Variants in MACROD2 observed in about 807,000 individuals in gnomAD.
MACROD2 encodes mono-ADP ribosylhydrolase 2.
Under a neutral mutation model 70.4 loss-of-function variants are expected in MACROD2, and 36 were observed. That is an observed-to-expected ratio of 0.51 (90% CI 0.39 to 0.68). MACROD2 has a LOEUF of 0.68. MACROD2 is among the 30% of genes least tolerant of loss of function. MACROD2 has a pLI of 0.00. For synonymous variants in MACROD2, 172 were observed against 178.8 expected (o/e 0.96, Z 0.30); for missense variants, 496 against 538.4 (o/e 0.92, Z 0.78).
chr20:15,249,940 A>G (rs369537753), intron 6 of MACROD2, among the ~76,000 whole-genome samples: 18 of 152,228 alleles, frequency 1.2e-4, no homozygotes, highest in Non-Finnish European at 1.8e-4. Context: ...ATGACTTTTA[A>G]AAATAGGTAC....
chr20:14,422,442 C>T lies in MACROD2; in HGVS notation c.272-71037C>T, dbSNP rs1412070016. Among the ~76,000 whole-genome samples the T allele has an allele frequency of 3.3e-5, 5 of 152,148 alleles. No individual in the cohort carries two copies. The South Asian group carries it at 8.3e-4, about 25-fold the overall frequency. On this transcript the variant is annotated intron_variant, in intron 3 of 17. Transcript: ENST00000684519. ...ACTGTTAAGGAAAGATTTACTTCTGCCATTTGTTATTTGTTTTCTTATAGC... is the reference window on the plus strand; with the variant it reads ...ACTGTTAAGGAAAGATTTACTTCTGTCATTTGTTATTTGTTTTCTTATAGC...
At chr20:15,679,656 C>A (rs73242449) in intron 8 of MACROD2, among the ~76,000 whole-genome samples, 1 of 152,178 alleles carries the variant, frequency 6.6e-6, no homozygotes, top group Admixed American at 6.5e-5. Flanking sequence ...CCTGCTGCAA[C>A]AGACCATGTG....
chr20:15,742,514 A>C (rs1180718604), intron 8 of MACROD2, among the ~76,000 whole-genome samples: 1 of 152,224 alleles, frequency 6.6e-6, no homozygotes. Flanking sequence ...ACAGCCCATA[A>C]CATAGGGAAT....
At chr20:15,306,514 G>T (rs6110568) in intron 6 of MACROD2, among the ~76,000 whole-genome samples, 1 of 152,148 alleles carries the variant, frequency 6.6e-6, no homozygotes, top group Non-Finnish European at 1.5e-5. Context: ...AGGTGTTTAA[G>T]GGGGGAGAGT....
chr20:15,565,529 G>C (rs1486291516), intron 8 of MACROD2, among the ~76,000 whole-genome samples: 1 of 152,200 alleles, frequency 6.6e-6, no homozygotes, highest in Non-Finnish European at 1.5e-5. Flanking sequence ...CTTTCAAACT[G>C]TAAGATACTT....
chr20:15,206,481 G>T (rs944545025), intron 5 of MACROD2, among the ~76,000 whole-genome samples: 1 of 151,888 alleles, frequency 6.6e-6, no homozygotes, highest in African/African-American at 2.4e-5. Flanking sequence ...TTTTGATTAC[G>T]TACATACATC....
At chr20:14,047,799 A>T (rs2053500892) in intron 2 of MACROD2, among the ~76,000 whole-genome samples, 1 of 152,206 alleles carries the variant, frequency 6.6e-6, no homozygotes, top group Admixed American at 6.5e-5. Flanking sequence ...TAAAAAATAC[A>T]GTGCATGTAG....
intron 4 of MACROD2, among the ~76,000 whole-genome samples, chr20:14,619,505 AAGG>A (rs1338089136): frequency 8.4e-6 from 1 of 118,348 alleles, no homozygotes; most frequent in Non-Finnish European, 1.7e-5. Flanking sequence ...GGGAGGAAGG[AAGG>A]AGGAAAGGAG....
intron 3 of MACROD2, among the ~76,000 whole-genome samples, chr20:14,422,206 A>G (rs988474866): frequency 6.6e-6 from 1 of 152,158 alleles, no homozygotes; most frequent in African/African-American, 2.4e-5. Flanking sequence ...TTGTCTAATA[A>G]TAGTATAGCA....
At chr20:15,754,771 A>G (rs1359764232) in intron 8 of MACROD2, among the ~76,000 whole-genome samples, 1 of 151,022 alleles carries the variant, frequency 6.6e-6, no homozygotes, top group Non-Finnish European at 1.5e-5. Flanking sequence ...ACCCTAAAGA[A>G]TTATATTTCA....
intron 5 of MACROD2, among the ~76,000 whole-genome samples, chr20:14,716,252 A>G (rs2071395877): frequency 6.6e-6 from 1 of 152,144 alleles, no homozygotes; most frequent in Non-Finnish European, 1.5e-5. Context: ...CTTGGGATAT[A>G]TCTCTATGGC....
At chr20:15,059,949 G>T (rs1270971368) in intron 5 of MACROD2, among the ~76,000 whole-genome samples, 1 of 152,144 alleles carries the variant, frequency 6.6e-6, no homozygotes, top group African/African-American at 2.4e-5. Context: ...ACTAGAAATA[G>T]TAAAGTATCT....
intron 3 of MACROD2, among the ~76,000 whole-genome samples, chr20:14,254,243 C>G (rs2082035528): frequency 6.6e-6 from 1 of 151,632 alleles, no homozygotes; most frequent in Non-Finnish European, 1.5e-5. Context: ...TTCCATTGTC[C>G]TAATTCTCTC....
intron 5 of MACROD2, among the ~76,000 whole-genome samples, chr20:15,128,228 C>T (rs1431569410): frequency 6.6e-6 from 1 of 152,042 alleles, no homozygotes; most frequent in Non-Finnish European, 1.5e-5. Context: ...AGAATGAAGT[C>T]ACATATATTT....
rs141788048 is a variant in MACROD2 at position 15,130,692 on chromosome 20, G to T, written c.419-99248G>T. 2.4e-3 allele frequency among the ~76,000 whole-genome samples: 371 copies of T among 152,254 alleles called. 4 individuals carry two copies. The highest frequency in any genetic ancestry group is 8.3e-3 in the African/African-American group (345 of 41,562). On this transcript the variant is annotated intron_variant, in intron 5 of 17. Coordinates refer to ENST00000684519, the MANE Select transcript of MACROD2 (RefSeq NM_001351661.2). ...TAATTGATCAGTAAACAAAAGAGGA[G>T]AATGGGACAAAGGAGTTGGAATGAG...
chr20:14,925,609 T>C (rs2074220937), intron 5 of MACROD2, among the ~76,000 whole-genome samples: 1 of 152,212 alleles, frequency 6.6e-6, no homozygotes, highest in African/African-American at 2.4e-5. Flanking sequence ...TAAAGTTCTC[T>C]GCATATGGGG....
At chr20:15,426,809 C>CA (rs2046304129) in intron 6 of MACROD2, among the ~76,000 whole-genome samples, 1 of 152,100 alleles carries the variant, frequency 6.6e-6, no homozygotes, top group Non-Finnish European at 1.5e-5. Context: ...GGTTTTGGTA[C>CA]AATTTATCAT....
chr20:16,012,612 G>A (rs2066878117), intron 15 of MACROD2, among the ~76,000 whole-genome samples: 3 of 152,220 alleles, frequency 2.0e-5, no homozygotes, highest in Admixed American at 2.0e-4. Flanking sequence ...GTGATGTGTA[G>A]TGTAGAAGAA....
At chr20:14,278,606 T>G (rs1376980621) in intron 3 of MACROD2, among the ~76,000 whole-genome samples, 1 of 152,156 alleles carries the variant, frequency 6.6e-6, no homozygotes. Flanking sequence ...TGTAAAGAAA[T>G]ATGTTTGCAT....
Sources: gnomAD v4.1 joint callset for allele counts (sites outside exome capture counted in the v4.1 genomes callset) on GRCh38, gnomAD v4.1.1 for gene constraint, MANE v1.5 for transcripts, NCBI Gene and HGNC (gene_info 2026-07-23, HGNC 2026-07-21) for gene names.